Variants in MCF2 observed in about 807,000 individuals in gnomAD.
MCF2 encodes MCF.2 cell line derived transforming sequence.
Under a neutral mutation model 82.5 loss-of-function variants are expected in MCF2, and 44 were observed. The ratio of observed to expected loss-of-function variants is 0.53; its 90% CI spans 0.42 to 0.69. The LOEUF (loss-of-function observed/expected upper bound fraction) is 0.69, where lower values mean the gene tolerates loss of function less well. MCF2 is among the 30% of genes least tolerant of loss of function. MCF2 has a pLI of 0.00. For synonymous variants in MCF2, 217 were observed against 224.9 expected (o/e 0.96, Z 0.32); for missense variants, 623 against 663.1 (o/e 0.94, Z 0.66).
At chrX:139,653,773 T>C (rs1446277928) in intron 1 of MCF2, among the ~76,000 whole-genome samples, 1 of 111,328 alleles carries the variant, frequency 9.0e-6, no homozygotes, top group Non-Finnish European at 1.9e-5. Flanking sequence ...TATATTTACA[T>C]TCTTTTTTCC....
At chrX:139,649,867 T>C (rs1933933661) in intron 2 of MCF2, among the ~76,000 whole-genome samples, 1 of 111,524 alleles carries the variant, frequency 9.0e-6, no homozygotes, top group East Asian at 2.8e-4. Flanking sequence ...AAAACACAGA[T>C]AATCTTAAGT....
intron 6 of MCF2, among the ~76,000 whole-genome samples, chrX:139,622,231 C>T (rs1175704762): frequency 9.0e-6 from 1 of 111,642 alleles, no homozygotes; most frequent in Non-Finnish European, 1.9e-5. Context: ...CAGGAAACAA[C>T]AGGTGCTGGA....
intron 21 of MCF2, 25 bp downstream of exon 25, chrX:139,588,335 C>G: frequency 8.7e-7 from 1 of 1,154,544 alleles, no homozygotes; most frequent in Non-Finnish European, 1.2e-6. Flanking sequence ...ACTTCTTGTT[C>G]TGAAGAATGC....
chrX:139,644,623 T>A (rs756699752), upstream of MCF2, among the ~76,000 whole-genome samples: 26 of 112,532 alleles, frequency 2.3e-4, no homozygotes, highest in African/African-American at 8.4e-4. Context: ...TTACCCATTT[T>A]ACCTTGCAAG....
At chrX:139,630,034 A>C (rs1932871484) in intron 3 of MCF2, among the ~76,000 whole-genome samples, 190 bp from the exon 7 acceptor site, 1 of 111,688 alleles carries the variant, frequency 9.0e-6, no homozygotes, top group African/African-American at 3.2e-5. Flanking sequence ...AACTCTAAGA[A>C]ACTGAAGGAA....
At chrX:139,677,805 G>T (rs756577892) in intron 1 of MCF2, among the ~76,000 whole-genome samples, 1 of 111,960 alleles carries the variant, frequency 8.9e-6, no homozygotes, top group East Asian at 2.8e-4. Context: ...GGTCATATGG[G>T]TAACTAAAAA....
chrX:139,616,521 A>G (rs753959783), intron 8 of MCF2, 48 bp from the exon 12 acceptor site: 1 of 814,859 alleles, frequency 1.2e-6, no homozygotes, highest in Non-Finnish European at 1.7e-6. Flanking sequence ...ATTAATAAAG[A>G]GAAAACATAT....
intron 3 of MCF2, among the ~76,000 whole-genome samples, chrX:139,630,552 T>C (rs1408386973): frequency 1.8e-5 from 2 of 112,576 alleles, no homozygotes; most frequent in East Asian, 2.8e-4. Flanking sequence ...TTACAGGTTA[T>C]TAAAGGCTAG....
chrX:139,611,601 A>G (rs1399826988), intron 10 of MCF2, among the ~76,000 whole-genome samples: 2 of 112,020 alleles, frequency 1.8e-5, no homozygotes, highest in African/African-American at 6.5e-5. Flanking sequence ...AACAATATAA[A>G]TACATACAAA....
Position 139,606,600 on chromosome X carries a change from C to G in MCF2, c.1491-821G>C, listed in dbSNP as rs184476885. 9.0e-5 allele frequency among the ~76,000 whole-genome samples: 10 copies of G among 111,721 alleles called. No homozygotes were observed. In the East Asian group the frequency reaches 2.8e-3, roughly 32 times the overall value. On this transcript the variant is annotated intron_variant, in intron 12 of 24. Coordinates refer to ENST00000370576, the Ensembl canonical transcript of MCF2. ...TCTCGAACTCCTGACCTCAAGTGATCCGCCCGCCTGGGCCTCCCAACATGC... is the reference window on the plus strand; with the variant it reads ...TCTCGAACTCCTGACCTCAAGTGATGCGCCCGCCTGGGCCTCCCAACATGC...
chrX:139,637,819 C>G (rs1696491799), intron 1 of MCF2, among the ~76,000 whole-genome samples: 1 of 111,138 alleles, frequency 9.0e-6, no homozygotes, highest in Admixed American at 9.6e-5. Flanking sequence ...GATTAAGGAT[C>G]TTGATATGGG....
At chrX:139,603,954 T>A (rs1361270835) in intron 15 of MCF2, among the ~76,000 whole-genome samples, 4 of 112,732 alleles carry the variant, frequency 3.5e-5, no homozygotes, top group African/African-American at 1.3e-4. Flanking sequence ...ATAAGACATC[T>A]ATTTTGAAGC....
At chrX:139,687,083 C>A (rs966602673) in intron 1 of MCF2, among the ~76,000 whole-genome samples, 2 of 108,187 alleles carry the variant, frequency 1.8e-5, no homozygotes, top group African/African-American at 3.3e-5. Context: ...CACACATATG[C>A]AAACACTCAC....
At chrX:139,695,496 T>C (rs2148581269) in intron 1 of MCF2, among the ~76,000 whole-genome samples, 1 of 112,248 alleles carries the variant, frequency 8.9e-6, no homozygotes, top group African/African-American at 3.2e-5. Context: ...TAATTTCAAC[T>C]ACATGCCATC....
At chrX:139,588,465 G>A in intron 20 of MCF2, 27 bp from the exon 25 acceptor site, 1 of 969,919 alleles carries the variant, frequency 1.0e-6, no homozygotes, top group African/African-American at 1.9e-5. Context: ...AAGCGGGAGG[G>A]AGGTGGTACA....
chrX:139,671,064 G>T (rs1227266581), intron 1 of MCF2, among the ~76,000 whole-genome samples: 2 of 111,775 alleles, frequency 1.8e-5, no homozygotes, highest in Non-Finnish European at 3.8e-5. Context: ...TGATGGCCAG[G>T]GATGATGAGC....
intron 12 of MCF2, chrX:139,607,305 T>G (rs1679674732): frequency 8.8e-6 from 1 of 113,449 alleles, no homozygotes; most frequent in African/African-American, 3.2e-5. Flanking sequence ...GAAGAATTAA[T>G]AGATAAGCTA....
At chrX:139,651,507 T>C (rs1934012902) in intron 2 of MCF2, among the ~76,000 whole-genome samples, 1 of 111,711 alleles carries the variant, frequency 9.0e-6, no homozygotes, top group South Asian at 3.7e-4. Flanking sequence ...CTCATATATC[T>C]AAAATGCTTA....
chrX:139,673,752 G>A (rs1370988935), intron 1 of MCF2, among the ~76,000 whole-genome samples: 1 of 111,790 alleles, frequency 8.9e-6, no homozygotes, highest in Admixed American at 9.5e-5. Context: ...GGTCAATTTT[G>A]GAATAAATGT....
Sources: gnomAD v4.1 joint callset for allele counts (sites outside exome capture counted in the v4.1 genomes callset) on GRCh38, gnomAD v4.1.1 for gene constraint, MANE v1.5 for transcripts, NCBI Gene and HGNC (gene_info 2026-07-23, HGNC 2026-07-21) for gene names.